LPIN1: variants seen among roughly 807,000 people sequenced by gnomAD.
LPIN1 encodes the protein lipin 1, also known as phosphatidate phosphatase LPIN1.
Under a neutral mutation model 107.5 loss-of-function variants are expected in LPIN1, and 71 were observed. The ratio of observed to expected loss-of-function variants is 0.66; its 90% CI spans 0.55 to 0.80. LPIN1 has a LOEUF of 0.80. Among genes scored for constraint, LPIN1 ranks in the 30% least tolerant of loss-of-function variants. LPIN1 has a pLI of 0.00. For synonymous variants in LPIN1, 445 were observed against 452.6 expected, an observed-to-expected ratio of 0.98 and a Z score of 0.21; for missense variants, 1,043 against 1,160.6, an observed-to-expected ratio of 0.90 and a Z score of 1.47.
At chr2:11,767,590 A>C in intron 2 of LPIN1, 173 bp from the exon 3 acceptor site, 2 of 658,202 alleles carry the variant, frequency 3.0e-6, no homozygotes, top group Non-Finnish European at 5.6e-6. Flanking sequence ...GAACTCCTCC[A>C]GTCCTCAAGT....
chr2:11,750,565 GA>G (rs1667639656), intron 1 of LPIN1, among the ~76,000 whole-genome samples: 1 of 152,224 alleles, frequency 6.6e-6, no homozygotes. Flanking sequence ...TGTGGTCACA[GA>G]ATTAGCACGT....
At chr2:11,819,734 C>T in intron 19 of LPIN1, 136 bp downstream of exon 19, 2 of 767,880 alleles carry the variant, frequency 2.6e-6, no homozygotes, top group Non-Finnish European at 4.7e-6. Context: ...TGAAGAGCCA[C>T]TTGCCCACAT....
intron 2 of LPIN1, among the ~76,000 whole-genome samples, chr2:11,716,669 C>T (rs766052913): frequency 2.0e-5 from 3 of 152,078 alleles, no homozygotes; most frequent in Admixed American, 6.6e-5. Flanking sequence ...GAGAAGCCAG[C>T]GATTAATTCT....
At chr2:11,727,810 T>G (rs116645669) in intron 1 of LPIN1, among the ~76,000 whole-genome samples, 22 of 152,356 alleles carry the variant, frequency 1.4e-4, no homozygotes, top group African/African-American at 5.3e-4. Flanking sequence ...TTTTCAATCC[T>G]AGTACCCAAA....
intron 11 of LPIN1, among the ~76,000 whole-genome samples, chr2:11,787,734 G>A (rs1411732116): frequency 7.2e-5 from 11 of 152,102 alleles, no homozygotes; most frequent in African/African-American, 1.9e-4. Flanking sequence ...GAGGTCAGGA[G>A]ATCGAGACCA....
chr2:11,788,366 T>C (rs375770715), intron 11 of LPIN1, 21 bp from the exon 12 acceptor site: 8 of 1,590,770 alleles, frequency 5.0e-6, no homozygotes, highest in African/African-American at 1.3e-5. Context: ...TTTTGACATA[T>C]ATTTCATTGT....
chr2:11,779,650 G>A lies in LPIN1; in HGVS notation c.957+5G>A. On this transcript the variant is annotated splice_donor_5th_base_variant and intron_variant, in intron 7 of 20. Coordinates refer to ENST00000674199, the MANE Select transcript of LPIN1 (RefSeq NM_001349206.2). ...GAGCTGCCGCAGGCTGCTAAGGTGA[G>A]AGTCTCTTCAATTCTGCCACGGACC... is the stretch of plus-strand genomic sequence containing the variant. 1.2e-6 allele frequency: 2 copies of A among 1,613,906 alleles called. No homozygotes were observed. Among genetic ancestry groups the A allele is most frequent in the Non-Finnish European group, 1.7e-6 (2 of 1,179,884 alleles).
At chr2:11,728,396 A>T (rs1452689447) in intron 1 of LPIN1, among the ~76,000 whole-genome samples, 2 of 152,010 alleles carry the variant, frequency 1.3e-5, no homozygotes, top group Non-Finnish European at 2.9e-5. Flanking sequence ...ATTAAAAAAA[A>T]TTTTTAGACA....
At chr2:11,738,070 G>T (rs1572482872) in intron 1 of LPIN1, among the ~76,000 whole-genome samples, 1 of 152,116 alleles carries the variant, frequency 6.6e-6, no homozygotes, top group African/African-American at 2.4e-5. Context: ...AAAAGATGAG[G>T]TCATGTCCTT....
At chr2:11,709,700 T>A (rs765977044) in intron 1 of LPIN1, among the ~76,000 whole-genome samples, 4 of 152,252 alleles carry the variant, frequency 2.6e-5, no homozygotes, top group Admixed American at 6.5e-5. Context: ...TTTACAAAAA[T>A]CTACAAATGA....
intron 14 of LPIN1, among the ~76,000 whole-genome samples, chr2:11,801,823 G>T (rs1159774785): frequency 6.6e-6 from 1 of 152,142 alleles, no homozygotes; most frequent in Non-Finnish European, 1.5e-5. Flanking sequence ...ACCCTGATTT[G>T]ATCATGGTAT....
At chr2:11,779,167 A>T (rs981813994) in intron 6 of LPIN1, among the ~76,000 whole-genome samples, 4 of 152,200 alleles carry the variant, frequency 2.6e-5, no homozygotes, top group African/African-American at 9.6e-5. Flanking sequence ...ATTGCAGGAG[A>T]TGCGAGTGCA....
At chr2:11,728,923 C>A (rs1408971245) in intron 1 of LPIN1, among the ~76,000 whole-genome samples, 1 of 152,164 alleles carries the variant, frequency 6.6e-6, no homozygotes, top group Non-Finnish European at 1.5e-5. Context: ...GAGTAGCTTG[C>A]AAAAATTTTC....
intron 1 of LPIN1, among the ~76,000 whole-genome samples, chr2:11,693,670 G>A (rs1662381770): frequency 1.3e-5 from 2 of 150,920 alleles, no homozygotes; most frequent in South Asian, 4.2e-4. Flanking sequence ...TTCAATGGGG[G>A]TGGCAATGAT....
In LPIN1 at chr2:11,760,319, G is replaced by A. The variant is rs567004276; in HGVS notation, c.-9-5214G>A. Reference sequence around the variant, plus strand: ...GGCTGCAATCTCGGCACTTTGGGAGGCCAAGGCAGGCGGCTGGGAGGTGGA... The same window carrying A: ...GGCTGCAATCTCGGCACTTTGGGAGACCAAGGCAGGCGGCTGGGAGGTGGA... On this transcript the variant is annotated intron_variant, in intron 1 of 20. Coordinates refer to ENST00000674199, the MANE Select transcript of LPIN1 (RefSeq NM_001349206.2). Among the ~76,000 whole-genome samples the A allele has an allele frequency of 4.4e-3, 673 of 152,374 alleles. 6 individuals carry two copies. The highest frequency in any genetic ancestry group is 0.015 in the African/African-American group (635 of 41,588).
chr2:11,749,892 G>A (rs1234277624), intron 1 of LPIN1, among the ~76,000 whole-genome samples: 3 of 152,206 alleles, frequency 2.0e-5, no homozygotes, highest in East Asian at 1.9e-4. Context: ...TAAAATTTTC[G>A]GCTGATGCTG....
At chr2:11,772,091 T>C (rs568404195) in intron 4 of LPIN1, among the ~76,000 whole-genome samples, 1 of 152,180 alleles carries the variant, frequency 6.6e-6, no homozygotes, top group South Asian at 2.1e-4. Context: ...ATCCCTCACA[T>C]GTGCAGTTCA....
intron 1 of LPIN1, among the ~76,000 whole-genome samples, chr2:11,733,839 C>T (rs191546837): frequency 1.3e-5 from 2 of 152,280 alleles, no homozygotes; most frequent in African/African-American, 4.8e-5. Flanking sequence ...TTTTGGCACT[C>T]CCCGCAGAGC....
intron 2 of LPIN1, among the ~76,000 whole-genome samples, chr2:11,718,236 A>G (rs529744188): frequency 6.6e-6 from 1 of 152,114 alleles, no homozygotes; most frequent in East Asian, 1.9e-4. Context: ...CAGGATATAT[A>G]TATATATTTG....
Sources: allele counts gnomAD v4.1 joint callset (sites outside exome capture counted in the v4.1 genomes callset), GRCh38; gene constraint gnomAD v4.1.1; transcripts MANE v1.5; gene names NCBI Gene and HGNC (gene_info 2026-07-23, HGNC 2026-07-21).